PTGR1: variants seen among roughly 807,000 people sequenced by gnomAD.
PTGR1 encodes the protein prostaglandin reductase 1.
In PTGR1, 23 loss-of-function variants were observed where a neutral mutation model predicts 37.7. The observed-to-expected ratio is 0.61, with a 90% CI of 0.44 to 0.86. The LOEUF is 0.86. Ranked by LOEUF, PTGR1 falls within the 40% of genes least tolerant of loss-of-function variation. PTGR1 has a pLI of 0.00. For synonymous variants in PTGR1, 134 were observed against 140.0 expected (o/e 0.96, Z 0.30); for missense variants, 351 against 394.3 (o/e 0.89, Z 0.93).
intron 4 of PTGR1, among the ~76,000 whole-genome samples, chr9:111,589,087 C>T (rs1052708272): frequency 3.3e-5 from 5 of 152,202 alleles, no homozygotes; most frequent in African/African-American, 1.2e-4. Flanking sequence ...TCCACTTCCA[C>T]CATCAATGTA....
chr9:111,555,652 C>CA (rs1033109517), intron 9 of PTGR1, among the ~76,000 whole-genome samples: 22 of 152,146 alleles, frequency 1.4e-4, no homozygotes, highest in African/African-American at 4.6e-4. Context: ...AGCACATCTT[C>CA]ACATGGCAGC....
intron 8 of PTGR1, chr9:111,574,354 G>A (rs1188807238): frequency 6.5e-6 from 1 of 152,872 alleles, no homozygotes; most frequent in Non-Finnish European, 1.5e-5. Flanking sequence ...TATTGTTTTT[G>A]TTATTATTAT....
intron 9 of PTGR1, chr9:111,564,113 T>C (rs1171638261): frequency 9.4e-6 from 3 of 319,914 alleles, no homozygotes; most frequent in Non-Finnish European, 1.5e-5. Context: ...CTAATTTACA[T>C]TTTCAGATTT....
chr9:111,585,974 A>G, intron 5 of PTGR1, 24 bp downstream of exon 5: 1 of 1,610,444 alleles, frequency 6.2e-7, no homozygotes, highest in Non-Finnish European at 8.5e-7. Context: ...ATTCAAACAA[A>G]TGGAATATAT....
At chr9:111,581,709 G>GGAT (rs1829285739) in intron 6 of PTGR1, among the ~76,000 whole-genome samples, 1 of 151,900 alleles carries the variant, frequency 6.6e-6, no homozygotes, top group Admixed American at 6.6e-5. Flanking sequence ...TGAGCTCAAG[G>GGAT]GATCCTCTTG....
chr9:111,593,644 T>C lies in PTGR1; in HGVS notation c.152+578A>G, dbSNP rs142671193. Reference sequence around the variant, plus strand: ...TTCCTCTATCCAAATTACTTGCCAGTAGTGAAATGCACAAATTGGGGTTTG... The same window carrying C: ...TTCCTCTATCCAAATTACTTGCCAGCAGTGAAATGCACAAATTGGGGTTTG... On this transcript the variant is annotated intron_variant, in intron 3 of 9. Transcript: ENST00000407693. 3.0e-4 allele frequency among the ~76,000 whole-genome samples: 45 copies of C among 152,324 alleles called. No individual in the cohort carries two copies. In the East Asian group the frequency reaches 8.3e-3, roughly 28 times the overall value.
At chr9:111,561,148 G>GAGA (rs1267075709), downstream of PTGR1, among the ~76,000 whole-genome samples, 1 of 34,848 alleles carries the variant, frequency 2.9e-5, no homozygotes, top group Non-Finnish European at 4.9e-5. Context: ...GGAGAGAGAG[G>GAGA]GAGAGAGAGA....
chr9:111,576,424 C>G, intron 7 of PTGR1: 1 of 1,614,070 alleles, frequency 6.2e-7, no homozygotes. Flanking sequence ...AGACCATGCT[C>G]TGCCTTCTTG....
intron 2 of PTGR1, among the ~76,000 whole-genome samples, chr9:111,595,970 C>T (rs572425074): frequency 2.0e-5 from 3 of 152,274 alleles, no homozygotes; most frequent in Admixed American, 2.0e-4. Flanking sequence ...CGTATAGCTA[C>T]TGGGCAGTGC....
chr9:111,594,159 T>C, intron 3 of PTGR1, 63 bp downstream of exon 3: 1 of 1,457,978 alleles, frequency 6.9e-7, no homozygotes, highest in African/African-American at 1.4e-5. Flanking sequence ...TTTTAGAAGA[T>C]GAACTACTTC....
At chr9:111,570,720 A>G (rs1828781618) in intron 8 of PTGR1, among the ~76,000 whole-genome samples, 1 of 152,052 alleles carries the variant, frequency 6.6e-6, no homozygotes, top group African/African-American at 2.4e-5. Flanking sequence ...TGGAGGTTGC[A>G]GTGAGCCAAG....
chr9:111,597,763 C>T (rs1016008005), intron 1 of PTGR1, among the ~76,000 whole-genome samples: 3 of 152,216 alleles, frequency 2.0e-5, no homozygotes, highest in Admixed American at 2.0e-4. Flanking sequence ...CCAGCCACTG[C>T]TAGGCTAGAG....
chr9:111,565,925 A>G (rs1828541243), intron 9 of PTGR1, among the ~76,000 whole-genome samples: 1 of 152,144 alleles, frequency 6.6e-6, no homozygotes, highest in Non-Finnish European at 1.5e-5. Context: ...CTTAAAACCC[A>G]CTAGGGCTGG....
chr9:111,582,328 C>A (rs187166771), intron 6 of PTGR1, among the ~76,000 whole-genome samples: 227 of 152,290 alleles, frequency 1.5e-3, no homozygotes, highest in African/African-American at 4.7e-3. Context: ...ATCAAACTTA[C>A]GGGATAAAAG....
At chr9:111,570,910 T>G (rs1043543177) in intron 8 of PTGR1, among the ~76,000 whole-genome samples, 1 of 152,010 alleles carries the variant, frequency 6.6e-6, no homozygotes, top group Non-Finnish European at 1.5e-5. Context: ...AGGGACAGAA[T>G]ATGGGGTGAT....
chr9:111,560,636 C>CAAAAA (rs1015199330), downstream of PTGR1, among the ~76,000 whole-genome samples: 1,642 of 26,296 alleles, frequency 0.062, 106 homozygotes, highest in African/African-American at 0.099. Flanking sequence ...GACACCATCT[C>CAAAAA]AAAAAAAAAA....
chr9:111,578,613 A>C (rs1829163000), intron 7 of PTGR1, among the ~76,000 whole-genome samples, 183 bp downstream of exon 7: 2 of 152,170 alleles, frequency 1.3e-5, no homozygotes, highest in Admixed American at 1.3e-4. Flanking sequence ...TAATGGGAGC[A>C]ATGGGGAAGG....
intron 9 of PTGR1, among the ~76,000 whole-genome samples, chr9:111,568,130 G>A (rs1160900668): frequency 3.9e-5 from 6 of 152,132 alleles, no homozygotes; most frequent in African/African-American, 1.4e-4. Context: ...CAACCATAAG[G>A]TCTAACTGCC....
chr9:111,571,670 TTGTTTG>T (rs941543852), intron 8 of PTGR1, among the ~76,000 whole-genome samples: 1 of 151,924 alleles, frequency 6.6e-6, no homozygotes, highest in Non-Finnish European at 1.5e-5. Flanking sequence ...GTTTGTTTGT[TTGTTTG>T]TTTGTTTTTT....
Sources: allele counts gnomAD v4.1 joint callset (sites outside exome capture counted in the v4.1 genomes callset), GRCh38; gene constraint gnomAD v4.1.1; transcripts MANE v1.5; gene names NCBI Gene and HGNC (gene_info 2026-07-23, HGNC 2026-07-21).